Variants in SLC6A11 observed in about 807,000 individuals in gnomAD.
SLC6A11 encodes the protein solute carrier family 6 member 11, also known as sodium- and chloride-dependent GABA transporter 3.
A neutral mutation model predicts 74.8 loss-of-function variants in SLC6A11; 25 were observed. The observed-to-expected ratio is 0.33, with a 90% confidence interval of 0.24 to 0.47. The LOEUF is 0.47. SLC6A11 is among the 20% of genes least tolerant of loss of function. SLC6A11 has a pLI of 1.00. For synonymous variants in SLC6A11, 330 were observed against 330.2 expected (o/e 1.00, Z 0.01); for missense variants, 574 against 837.0 (o/e 0.69, Z 3.88).
At chr3:10,874,375 C>A (rs545629500) in intron 5 of SLC6A11, among the ~76,000 whole-genome samples, 2 of 152,268 alleles carry the variant, frequency 1.3e-5, no homozygotes, top group Non-Finnish European at 1.5e-5. Context: ...GAGACCTAGC[C>A]TGTGATGAGG....
At chr3:10,928,171 CTAT>C (rs778750826) in intron 9 of SLC6A11, among the ~76,000 whole-genome samples, 1 of 152,116 alleles carries the variant, frequency 6.6e-6, no homozygotes, top group South Asian at 2.1e-4. Flanking sequence ...GATATGTTTG[CTAT>C]TATTCGTGTT....
Position 10,816,572 on chromosome 3 carries a change from G to T in SLC6A11, c.256+51G>T. ...AGGGGGCGCCAACCGCCCGGTGGGG[G>T]CGGGGAGCCAGGGGCGAGCGCGAGA... On this transcript the variant is annotated intron_variant, in intron 1 of 13. Transcript: ENST00000254488. The surrounding 1 kb of genome is among the most constrained non-coding windows in gnomAD (Gnocchi z 4.2). 1 of 1,505,366 alleles carries T rather than the reference G, an allele frequency of 6.6e-7. No individual in the cohort carries two copies. The highest frequency in any genetic ancestry group is 8.9e-7 in the Non-Finnish European group (1 of 1,123,554). 93.3% of individuals were successfully genotyped at this position (1,505,366 alleles called of 1,614,324 possible). A position where few individuals can be genotyped will look rare whatever the true frequency, so the allele number is the denominator to read the frequency against.
At position 10,816,617 on chromosome 3, in the gene SLC6A11, GGA is replaced by G. The variant is rs1694063007; in HGVS notation, c.256+98_256+99del. 7.7e-7 allele frequency: 1 copy of G among 1,298,098 alleles called. No individual in the cohort carries two copies. The highest frequency in any genetic ancestry group is 2.9e-5 in the Admixed American group (1 of 34,906). 80.4% of individuals were successfully genotyped at this position (1,298,098 alleles called of 1,614,324 possible). The stretch of plus-strand genomic sequence containing the variant: ...GCGAGACCCCCTCCCGCGCCTGCGT[GGA>G]GCGGAACCCGAGCGGAGAACCTCGA... On this transcript the variant is annotated intron_variant, in intron 1 of 13. Transcript: ENST00000254488. This position sits in a 1 kb window ranked among gnomAD's most constrained non-coding sequence, Gnocchi z 4.2.
At chr3:10,868,891 G>A (rs1041710620) in intron 5 of SLC6A11, among the ~76,000 whole-genome samples, 10 of 152,190 alleles carry the variant, frequency 6.6e-5, no homozygotes, top group Non-Finnish European at 2.9e-5. Flanking sequence ...GTCTTTTAAA[G>A]CCAAATCCTT....
At chr3:10,841,805 G>C (rs1694440915) in intron 4 of SLC6A11, among the ~76,000 whole-genome samples, 1 of 151,984 alleles carries the variant, frequency 6.6e-6, no homozygotes, top group East Asian at 1.9e-4. Flanking sequence ...GCACATGTCT[G>C]TGTGTGTGTG....
In SLC6A11 at chr3:10,892,397, G is replaced by A. The variant is rs113102453; in HGVS notation, c.891+17302G>A. On this transcript the variant is annotated intron_variant, in intron 6 of 13. Coordinates refer to ENST00000254488, the MANE Select transcript of SLC6A11 (RefSeq NM_014229.3). Reference sequence around the variant, plus strand: ...AGCCTCCTATGCTGTACCCATCTCGGTCCTTCATGCCCCACTGCTCATCCC... The same window carrying A: ...AGCCTCCTATGCTGTACCCATCTCGATCCTTCATGCCCCACTGCTCATCCC... Among the ~76,000 whole-genome samples the A allele has an allele frequency of 7.8e-3, 1,187 of 152,250 alleles. 19 individuals are homozygous for A. The highest frequency in any genetic ancestry group is 0.027 in the African/African-American group (1,115 of 41,546).
At chr3:10,910,239 G>A in intron 6 of SLC6A11, among the ~76,000 whole-genome samples, 1 of 152,286 alleles carries the variant, frequency 6.6e-6, no homozygotes, top group South Asian at 2.1e-4. Context: ...GCAATTTGTT[G>A]AATGACTTAA....
chr3:10,880,571 G>A (rs1415359005), intron 6 of SLC6A11, among the ~76,000 whole-genome samples: 3 of 152,160 alleles, frequency 2.0e-5, no homozygotes, highest in East Asian at 3.9e-4. Flanking sequence ...AGAAGCCTGC[G>A]GGGAGTCAGA....
At chr3:10,910,819 ATTTT>A (rs67011478) in intron 6 of SLC6A11, among the ~76,000 whole-genome samples, 4 of 126,388 alleles carry the variant, frequency 3.2e-5, no homozygotes, top group African/African-American at 3.1e-5. Context: ...GTTGCTGTGA[ATTTT>A]TTTTTTTTTT....
intron 7 of SLC6A11, among the ~76,000 whole-genome samples, chr3:10,912,541 C>T (rs922314330): frequency 3.3e-5 from 5 of 152,234 alleles, no homozygotes; most frequent in South Asian, 2.1e-4. Flanking sequence ...CTTGTTCTCT[C>T]GCCTACTATT....
intron 3 of SLC6A11, among the ~76,000 whole-genome samples, chr3:10,822,191 A>G (rs1694147289): frequency 6.6e-6 from 1 of 152,212 alleles, no homozygotes; most frequent in Non-Finnish European, 1.5e-5. Context: ...GCATTCATAC[A>G]TATGTGAGAT....
rs747964708 is a variant in SLC6A11 at position 10,933,249 on chromosome 3, G to A, written c.1470G>A (p.Val490=). The A allele has an allele frequency of 2.5e-6, 4 of 1,611,066 alleles. No homozygotes were observed. Among genetic ancestry groups the A allele is most frequent in the Admixed American group, 3.3e-5 (2 of 60,002 alleles). Residue 490 remains valine (V), a synonymous_variant, in exon 11 of 14, where the codon GTG becomes GTA. Coordinates refer to ENST00000254488, the MANE Select transcript of SLC6A11 (RefSeq NM_014229.3). Reference sequence around the variant, plus strand: ...TTGAGTGCATCTGCATCGGCTGGGTGTATGGTGAGTAGCAGCCAAGCCCGT... The same window carrying A: ...TTGAGTGCATCTGCATCGGCTGGGTATATGGTGAGTAGCAGCCAAGCCCGT... ...AIFECICIGW[V]YGSNRFYDNI...
rs1694844971 is a variant in SLC6A11, at chr3:10,873,029, A to G, written c.757-1932A>G. Among the ~76,000 whole-genome samples the G allele has an allele frequency of 2.6e-5, 4 of 152,054 alleles. No individual in the cohort carries two copies. In the South Asian group the frequency reaches 8.3e-4, roughly 32 times the overall value. Reference sequence around the variant, plus strand: ...AGTGATTGGAGGAGTGAGTGTGACAAAAGAGAAAAGTCAGAACTTGCAGGA... The same window carrying G: ...AGTGATTGGAGGAGTGAGTGTGACAGAAGAGAAAAGTCAGAACTTGCAGGA... On this transcript the variant is annotated intron_variant, in intron 5 of 13. Transcript: ENST00000254488.
chr3:10,909,433 G>A (rs942331388), intron 6 of SLC6A11, among the ~76,000 whole-genome samples: 5 of 152,166 alleles, frequency 3.3e-5, no homozygotes, highest in Non-Finnish European at 7.4e-5. Context: ...GGGCTTGTGG[G>A]TCGAAAGCTT....
At chr3:10,822,626 G>T (rs1694153093) in intron 3 of SLC6A11, among the ~76,000 whole-genome samples, 1 of 152,146 alleles carries the variant, frequency 6.6e-6, no homozygotes, top group South Asian at 2.1e-4. Flanking sequence ...TGGAGATGGG[G>T]TTAAGGCCCA....
intron 5 of SLC6A11, among the ~76,000 whole-genome samples, chr3:10,858,876 A>G (rs138606309): frequency 6.6e-6 from 1 of 152,360 alleles, no homozygotes; most frequent in African/African-American, 2.4e-5. Context: ...CCTGTGCAGC[A>G]TATGGGATTG....
rs139617778 is a variant in SLC6A11, at chr3:10,938,293, G to A, written c.1790G>A (p.Arg597Gln). 127 of 1,611,916 alleles carry A rather than the reference G, an allele frequency of 7.9e-5. No homozygotes were observed. In the African/African-American group the frequency reaches 1.5e-3, roughly 19 times the overall value. ...ACCCCCAGCACAGATCTGAAAATGC[G>A]GGGCAAGCTTGGGGTGAGCCCACGG... The part of the protein sequence containing the change: ...LTTPSTDLKM[R>Q]GKLGVSPRMV... The change falls in exon 14 of 14, where the codon CGG (arginine) becomes CAG (glutamine). Residue 597 changes from arginine (R) to glutamine (Q), a missense_variant. Physicochemically the swap from Arg to Gln is conservative, Grantham distance 43. Coordinates refer to ENST00000254488, the MANE Select transcript of SLC6A11 (RefSeq NM_014229.3).
chr3:10,926,547 CAT>C lies in SLC6A11; in HGVS notation c.1233+433_1233+434del, dbSNP rs1184733591. On this transcript the variant is annotated intron_variant, in intron 9 of 13. Transcript: ENST00000254488. The surrounding 1 kb of genome is among the most constrained non-coding windows in gnomAD (Gnocchi z 5.7). ...AACCCAATCATTGAGGACACGGACA[CAT>C]AGAAAAGCACCTCCTCTTCCTCCAT... 7.9e-5 allele frequency among the ~76,000 whole-genome samples: 12 copies of C among 152,128 alleles called. No homozygotes were observed. The highest frequency in any genetic ancestry group is 1.6e-4 in the Non-Finnish European group (11 of 68,030).
intron 6 of SLC6A11, among the ~76,000 whole-genome samples, chr3:10,895,393 A>G (rs369295028): frequency 6.6e-6 from 1 of 152,094 alleles, no homozygotes; most frequent in Non-Finnish European, 1.5e-5. Context: ...TGCAGGACAT[A>G]TGCACCATGG....
Sources: allele counts gnomAD v4.1 joint callset (sites outside exome capture counted in the v4.1 genomes callset), GRCh38; gene constraint gnomAD v4.1.1; non-coding constraint Gnocchi (gnomAD v3.1); transcripts MANE v1.5; gene names NCBI Gene and HGNC (gene_info 2026-07-23, HGNC 2026-07-21).